PAK5: variants seen among roughly 807,000 people sequenced by gnomAD.
PAK5 encodes the protein p21 (RAC1) activated kinase 5, also known as serine/threonine-protein kinase PAK 5.
In PAK5, 16 loss-of-function variants were observed where a neutral mutation model predicts 65.9. The observed-to-expected ratio is 0.24, with a 90% CI of 0.16 to 0.37. The LOEUF (loss-of-function observed/expected upper bound fraction) is 0.37. Among genes scored for constraint, PAK5 ranks in the 10% least tolerant of loss-of-function variants. The pLI is 1.00. For missense variants in PAK5, 785 were observed against 903.9 expected (o/e 0.87, Z 1.69); for synonymous variants, 371 against 354.9 (o/e 1.05, Z -0.51).
chr20:9,687,669 C>A (rs1050356164), intron 2 of PAK5, among the ~76,000 whole-genome samples: 12 of 152,050 alleles, frequency 7.9e-5, no homozygotes, highest in African/African-American at 2.2e-4. Flanking sequence ...TACGGCCAAA[C>A]ACTTTTTTTT....
At chr20:9,789,965 G>A (rs765995496) in intron 1 of PAK5, among the ~76,000 whole-genome samples, 21 of 152,184 alleles carry the variant, frequency 1.4e-4, no homozygotes, top group Non-Finnish European at 2.5e-4. Flanking sequence ...GCCTTTTTAC[G>A]CCCAAGCTGC....
intron 1 of PAK5, among the ~76,000 whole-genome samples, chr20:9,722,768 G>C (rs2048232814): frequency 6.7e-6 from 1 of 150,060 alleles, no homozygotes; most frequent in East Asian, 2.0e-4. Flanking sequence ...TAGAAGGCTT[G>C]CTCTATCGCC....
chr20:9,617,458 G>T (rs2046678644), intron 3 of PAK5, among the ~76,000 whole-genome samples: 2 of 150,708 alleles, frequency 1.3e-5, no homozygotes, highest in Admixed American at 1.3e-4. Flanking sequence ...AGCTAGCACA[G>T]TTAAGCGCTT....
chr20:9,540,497 T>C (rs1255398492), intron 9 of PAK5, among the ~76,000 whole-genome samples: 1 of 102,122 alleles, frequency 9.8e-6, no homozygotes, highest in Non-Finnish European at 1.9e-5. Flanking sequence ...CTGGCTTCTT[T>C]CACTCAGTGT....
chr20:9,710,617 A>G (rs1314095579), intron 2 of PAK5, among the ~76,000 whole-genome samples: 1 of 152,146 alleles, frequency 6.6e-6, no homozygotes, highest in African/African-American at 2.4e-5. Context: ...GGGGGGTAGT[A>G]CCCATGTGTG....
chr20:9,555,895 C>A (rs1413812690), intron 7 of PAK5, among the ~76,000 whole-genome samples: 1 of 152,172 alleles, frequency 6.6e-6, no homozygotes. Flanking sequence ...ATACTTGGCC[C>A]TGTTACCTGC....
At chr20:9,771,492 T>G (rs1022438535) in intron 1 of PAK5, among the ~76,000 whole-genome samples, 12 of 151,404 alleles carry the variant, frequency 7.9e-5, no homozygotes, top group Non-Finnish European at 1.5e-4. Flanking sequence ...CACTGCAGCC[T>G]CAAACTCCTG....
chr20:9,553,238 G>A (rs1042253714), intron 7 of PAK5, among the ~76,000 whole-genome samples: 1 of 152,052 alleles, frequency 6.6e-6, no homozygotes. Context: ...ATTGTATCAT[G>A]TGTTGCCAAC....
intron 1 of PAK5, among the ~76,000 whole-genome samples, chr20:9,777,125 G>T (rs1022058614): frequency 6.6e-6 from 1 of 152,158 alleles, no homozygotes; most frequent in Non-Finnish European, 1.5e-5. Flanking sequence ...CAGGAGGCTA[G>T]GCTGAGATGG....
At chr20:9,770,365 T>A (rs558963602) in intron 1 of PAK5, among the ~76,000 whole-genome samples, 28 of 151,730 alleles carry the variant, frequency 1.8e-4, no homozygotes, top group Non-Finnish European at 3.2e-4. Flanking sequence ...CAGCTGAAGG[T>A]GAAAATGAGG....
intron 1 of PAK5, among the ~76,000 whole-genome samples, chr20:9,773,136 G>C (rs1312780531): frequency 6.6e-6 from 1 of 152,172 alleles, no homozygotes; most frequent in Admixed American, 6.5e-5. Flanking sequence ...TTTGCCTAAA[G>C]AAGTACAACA....
chr20:9,603,529 A>G (rs1031135939), intron 3 of PAK5, among the ~76,000 whole-genome samples: 1 of 152,174 alleles, frequency 6.6e-6, no homozygotes, highest in African/African-American at 2.4e-5. Context: ...TCTGCCTGAG[A>G]AAAACATTTA....
At chr20:9,755,673 A>T (rs1415722822) in intron 1 of PAK5, among the ~76,000 whole-genome samples, 2 of 152,202 alleles carry the variant, frequency 1.3e-5, no homozygotes. Context: ...AGTTCAACTC[A>T]TTTTATAGTT....
At chr20:9,629,736 G>A (rs2123221919) in intron 3 of PAK5, among the ~76,000 whole-genome samples, 1 of 152,310 alleles carries the variant, frequency 6.6e-6, no homozygotes. Context: ...ATGTCACATT[G>A]GGGATTAGCA....
At chr20:9,670,017 C>T (rs6056792) in intron 2 of PAK5, among the ~76,000 whole-genome samples, 8,323 of 151,948 alleles carry the variant, frequency 0.055, 738 homozygotes, top group African/African-American at 0.19. Context: ...TGAGAACATG[C>T]GGTGTGTGGT....
At chr20:9,618,772 T>C (rs935844469) in intron 3 of PAK5, among the ~76,000 whole-genome samples, 1 of 151,796 alleles carries the variant, frequency 6.6e-6, no homozygotes, top group Non-Finnish European at 1.5e-5. Context: ...GGTACAGTTC[T>C]ATAAGTACAA....
chr20:9,712,144 C>G (rs1600274895), intron 1 of PAK5, among the ~76,000 whole-genome samples: 1 of 152,032 alleles, frequency 6.6e-6, no homozygotes, highest in East Asian at 1.9e-4. Context: ...ACTATGGGGC[C>G]ATTTCAAACC....
At chr20:9,599,630 C>G (rs2046326766) in intron 3 of PAK5, among the ~76,000 whole-genome samples, 1 of 152,136 alleles carries the variant, frequency 6.6e-6, no homozygotes, top group South Asian at 2.1e-4. Context: ...TTTTCCTGCA[C>G]TTATTAGCCA....
intron 2 of PAK5, among the ~76,000 whole-genome samples, chr20:9,645,242 T>C (rs1323822814): frequency 6.6e-6 from 1 of 152,228 alleles, no homozygotes; most frequent in Non-Finnish European, 1.5e-5. Flanking sequence ...CAGTGTACTT[T>C]ACCTGTTTGA....
Sources: gnomAD v4.1 joint callset for allele counts (sites outside exome capture counted in the v4.1 genomes callset) on GRCh38, gnomAD v4.1.1 for gene constraint, MANE v1.5 for transcripts, NCBI Gene and HGNC (gene_info 2026-07-23, HGNC 2026-07-21) for gene names.